The following MTCL1 variants were observed in gnomAD, a reference collection of about 807,000 sequenced individuals.
MTCL1 encodes microtubule crosslinking factor 1.
A neutral mutation model predicts 141.4 loss-of-function variants in MTCL1; 79 were observed. That is an observed-to-expected ratio of 0.56 (90% CI 0.47 to 0.67). The LOEUF is 0.67. MTCL1 is among the 30% of genes least tolerant of loss of function. The pLI is 0.00. For missense variants in MTCL1, 2,177 were observed against 2,113.9 expected (o/e 1.03, Z -0.59); for synonymous variants, 914 against 875.8 (o/e 1.04, Z -0.77).
chr18:8,713,372 G>A (rs371418376), upstream of MTCL1, among the ~76,000 whole-genome samples: 8 of 152,146 alleles, frequency 5.3e-5, no homozygotes, highest in South Asian at 1.0e-3. Flanking sequence ...AGACAACAGC[G>A]ATTTTCCAAT....
chr18:8,818,497 T>A (rs1046128369), intron 12 of MTCL1, among the ~76,000 whole-genome samples: 1 of 152,256 alleles, frequency 6.6e-6, no homozygotes, highest in African/African-American at 2.4e-5. Flanking sequence ...CTGTTCCACA[T>A]GCCCTGGGGC....
At chr18:8,744,195 TG>T (rs1598461184) in intron 4 of MTCL1, among the ~76,000 whole-genome samples, 1 of 152,248 alleles carries the variant, frequency 6.6e-6, no homozygotes, top group Non-Finnish European at 1.5e-5. Context: ...CCGGGCCCAC[TG>T]GCACCCTTTC....
chr18:8,806,486 A>T (rs2076300162), intron 10 of MTCL1, among the ~76,000 whole-genome samples: 1 of 152,138 alleles, frequency 6.6e-6, no homozygotes, highest in South Asian at 2.1e-4. Flanking sequence ...CTGGACATCT[A>T]AAGTCACACA....
intron 1 of MTCL1, among the ~76,000 whole-genome samples, chr18:8,708,702 G>A (rs192428748): frequency 5.3e-4 from 80 of 152,310 alleles, no homozygotes; most frequent in African/African-American, 1.9e-3. Context: ...GGGGCCCTCT[G>A]TTTTCTTTTC....
chr18:8,825,762 G>A, exon 15 of MTCL1: 1 of 1,614,176 alleles, frequency 6.2e-7, no homozygotes, highest in Non-Finnish European at 8.5e-7. Flanking sequence ...GGCCCAGAAA[G>A]GGTACAGTGA....
chr18:8,831,392 T>C (rs943941546), intron 16 of MTCL1: 25 of 1,394,152 alleles, frequency 1.8e-5, no homozygotes, highest in Middle Eastern at 2.5e-4. Flanking sequence ...TTAATCATAA[T>C]TGGTCTCTTC....
chr18:8,793,500 A>G (rs976556733), intron 8 of MTCL1, among the ~76,000 whole-genome samples: 7 of 152,174 alleles, frequency 4.6e-5, no homozygotes, highest in Non-Finnish European at 8.8e-5. Flanking sequence ...CAGCAACCTC[A>G]CCCTAAACCA....
exon 15 of MTCL1, chr18:8,825,661 C>T (rs1196136081): frequency 8.7e-6 from 14 of 1,613,908 alleles, no homozygotes; most frequent in Non-Finnish European, 1.2e-5. Flanking sequence ...TTTGAACGCA[C>T]ATGCTGCTCC....
At chr18:8,808,732 T>A (rs1396252393) in intron 11 of MTCL1, among the ~76,000 whole-genome samples, 1 of 152,252 alleles carries the variant, frequency 6.6e-6, no homozygotes, top group Non-Finnish European at 1.5e-5. Flanking sequence ...AGTCCACGAT[T>A]CCTTCAGCAG....
In MTCL1 at chr18:8,786,110, T is replaced by TCACC; in HGVS notation, c.1887+20_1887+21insACCC. 8.4e-6 allele frequency: 11 copies of TCACC among 1,310,348 alleles called. No homozygotes were observed. The highest frequency in any genetic ancestry group is 3.0e-5 in the East Asian group (1 of 33,274). The allele number at this position is 1,310,348 out of a possible 1,614,324, so 81.2% of individuals were successfully genotyped here. A position where few individuals can be genotyped will look rare whatever the true frequency, so the allele number is the denominator to read the frequency against. On this transcript the variant is annotated intron_variant, in intron 7 of 16. Coordinates refer to ENST00000359865, the Ensembl canonical transcript of MTCL1. ...CCTGGAGGTCAGCGTGGGCAAGCAA[T>TCACC]CCCCCCCCCCCGCCCTCCCCCTCCT...
chr18:8,776,123 AG>A (rs2096507160), intron 4 of MTCL1, among the ~76,000 whole-genome samples: 1 of 152,208 alleles, frequency 6.6e-6, no homozygotes, highest in Admixed American at 6.5e-5. Flanking sequence ...CGAGAGAGTC[AG>A]GGCTCTGAGC....
At chr18:8,748,842 A>G (rs2148943633) in intron 4 of MTCL1, among the ~76,000 whole-genome samples, 1 of 151,304 alleles carries the variant, frequency 6.6e-6, no homozygotes. Context: ...GTAAAATGAA[A>G]CTGACAGGGG....
chr18:8,733,378 GTCTGTA>G (rs2096260875), intron 4 of MTCL1, among the ~76,000 whole-genome samples: 1 of 152,132 alleles, frequency 6.6e-6, no homozygotes. Context: ...ACAAGTGCCT[GTCTGTA>G]TCTGTGTCGG....
chr18:8,819,625 T>C (rs2076776044), intron 13 of MTCL1, among the ~76,000 whole-genome samples: 1 of 152,186 alleles, frequency 6.6e-6, no homozygotes, highest in Non-Finnish European at 1.5e-5. Context: ...TTTTTGGAGA[T>C]GGAGGTCTCA....
At chr18:8,783,561 A>G in exon 6 of MTCL1, 1 of 1,606,712 alleles carries the variant, frequency 6.2e-7, no homozygotes, top group Non-Finnish European at 8.5e-7. Flanking sequence ...TGCCAGCTCC[A>G]GTTTGCCAAA....
chr18:8,826,839 CAATAT>C (rs1437332617), intron 15 of MTCL1, among the ~76,000 whole-genome samples: 2 of 152,214 alleles, frequency 1.3e-5, no homozygotes, highest in Non-Finnish European at 2.9e-5. Context: ...TACCCTAATA[CAATAT>C]GATTATCATT....
exon 3 of MTCL1, chr18:8,718,512 G>A (rs149471544): frequency 5.6e-6 from 9 of 1,614,050 alleles, no homozygotes; most frequent in Middle Eastern, 1.6e-4. Context: ...GAACTTCGGC[G>A]AGAACTGGAC....
chr18:8,712,356 T>C (rs904568765), intron 1 of MTCL1, among the ~76,000 whole-genome samples: 1 of 152,190 alleles, frequency 6.6e-6, no homozygotes, highest in Non-Finnish European at 1.5e-5. Context: ...CTGCTTCTCA[T>C]TGGAGTTAGC....
intron 10 of MTCL1, among the ~76,000 whole-genome samples, chr18:8,800,066 C>T (rs935664533): frequency 7.9e-5 from 12 of 152,230 alleles, no homozygotes; most frequent in African/African-American, 2.9e-4. Flanking sequence ...AGCTCACTAA[C>T]GCATGCACAA....
Sources: gnomAD v4.1 joint callset for allele counts (sites outside exome capture counted in the v4.1 genomes callset) on GRCh38, gnomAD v4.1.1 for gene constraint, MANE v1.5 for transcripts, NCBI Gene and HGNC (gene_info 2026-07-23, HGNC 2026-07-21) for gene names.